The following FIG4 variants were observed in gnomAD, a reference collection of about 807,000 sequenced individuals.
FIG4 encodes polyphosphoinositide phosphatase.
Under a neutral mutation model 118.6 loss-of-function variants are expected in FIG4, and 112 were observed. The observed-to-expected ratio is 0.94, with a 90% CI of 0.81 to 1.11. FIG4 has a LOEUF of 1.11. Among genes scored for constraint, FIG4 ranks in the 50% least tolerant of loss-of-function variants. FIG4 has a pLI of 0.00. For synonymous variants in FIG4, 369 were observed against 381.2 expected, an observed-to-expected ratio of 0.97 and a Z score of 0.37; for missense variants, 969 against 1,111.7, an observed-to-expected ratio of 0.87 and a Z score of 1.83.
At chr6:109,784,935 T>G in intron 16 of FIG4, 35 bp from the exon 17 acceptor site, 1 of 1,165,924 alleles carries the variant, frequency 8.6e-7, no homozygotes, top group Non-Finnish European at 1.3e-6. Flanking sequence ...ACATTTACAT[T>G]TGGTTCATCT....
At chr6:109,785,655 T>G in intron 17 of FIG4, 1 of 470,786 alleles carries the variant, frequency 2.1e-6, no homozygotes, top group Non-Finnish European at 4.4e-6. Context: ...GCAAGCTCAT[T>G]TTCCATTTGG....
chr6:109,754,284 T>C (rs1776809494), intron 10 of FIG4, among the ~76,000 whole-genome samples: 2 of 152,218 alleles, frequency 1.3e-5, no homozygotes, highest in Admixed American at 6.5e-5. Context: ...ATCCCAGGGA[T>C]GAAGCCCACT....
chr6:109,737,474 A>C (rs1776191981), intron 6 of FIG4, among the ~76,000 whole-genome samples: 1 of 152,116 alleles, frequency 6.6e-6, no homozygotes, highest in Non-Finnish European at 1.5e-5. Flanking sequence ...CGTGTAATGC[A>C]TTGAAAGGGC....
At chr6:109,706,358 A>C (rs910157423) in intron 1 of FIG4, among the ~76,000 whole-genome samples, 1 of 152,194 alleles carries the variant, frequency 6.6e-6, no homozygotes. Context: ...AATCAGGACA[A>C]CACCAGCCTG....
chr6:109,810,263 A>G (rs1778684228), intron 22 of FIG4, among the ~76,000 whole-genome samples: 1 of 151,996 alleles, frequency 6.6e-6, no homozygotes, highest in Admixed American at 6.6e-5. Context: ...AATCCTTCGT[A>G]CTTTTCCAGT....
Position 109,789,601 on chromosome 6 carries a change from A to G in FIG4, c.2104A>G (p.Met702Val), listed in dbSNP as rs765611972. The change falls in exon 19 of 23, where the codon ATG (methionine) becomes GTG (valine). Residue 702 changes from methionine to valine, a missense_variant. This residue lies in a region of FIG4 where 330 missense variants were observed against 348.1 expected (regional missense o/e 0.95). Coordinates refer to ENST00000230124, the MANE Select transcript of FIG4 (RefSeq NM_014845.6). ...LAMTSSARDF[M>V]PKTVGIDPSP... ...GTTTTCACCTTTCTTTAGTGACTTT[A>G]TGCCTAAGACCGTTGGAATTGATCC... 1 of 1,612,834 alleles carries G rather than the reference A, an allele frequency of 6.2e-7. No individual in the cohort carries two copies. Among genetic ancestry groups the G allele is most frequent in the South Asian group, 1.1e-5 (1 of 91,054 alleles).
At chr6:109,738,242 T>C in intron 6 of FIG4, 83 bp from the exon 7 acceptor site, 2 of 1,191,274 alleles carry the variant, frequency 1.7e-6, no homozygotes, top group Middle Eastern at 2.2e-4. Flanking sequence ...CCAATTTCCA[T>C]ATCTTTCTGA....
At chr6:109,741,329 G>C in intron 7 of FIG4, 115 bp from the exon 8 acceptor site, 1 of 786,332 alleles carries the variant, frequency 1.3e-6, no homozygotes, top group South Asian at 1.3e-5. Flanking sequence ...TGGAGCTTTT[G>C]GTGTTCTTTA....
chr6:109,750,953 A>C (rs952355948), intron 10 of FIG4, among the ~76,000 whole-genome samples: 2 of 152,238 alleles, frequency 1.3e-5, no homozygotes, highest in African/African-American at 4.8e-5. Flanking sequence ...TAAATAAGCA[A>C]AATTTATTTT....
At chr6:109,734,855 T>C (rs901440699) in intron 5 of FIG4, among the ~76,000 whole-genome samples, 8 of 152,278 alleles carry the variant, frequency 5.3e-5, no homozygotes, top group Admixed American at 3.3e-4. Context: ...TCAACTTAGA[T>C]TGATTTCAGT....
At chr6:109,740,242 A>G (rs1776282731) in intron 7 of FIG4, among the ~76,000 whole-genome samples, 1 of 152,182 alleles carries the variant, frequency 6.6e-6, no homozygotes, top group Non-Finnish European at 1.5e-5. Flanking sequence ...GTCCTGGCAC[A>G]TATTAAACAT....
chr6:109,825,149 A>G lies in FIG4; in HGVS notation c.2608A>G (p.Arg870Gly). ...TGAAGTTCAGCCCCCAAGAGTAGAC[A>G]GAAAATCTACAGAGATCTTCCAAGC... The part of the protein sequence containing the change: ...IYEVQPPRVD[R>G]KSTEIFQAHI... The change falls in exon 23 of 23, where the codon AGA becomes GGA. Residue 870 changes from arginine (R) to glycine (G), a missense_variant. Physicochemically the swap from Arg to Gly is moderately radical, Grantham distance 125. Around this residue, in one of 3 missense-constraint regions of FIG4, gnomAD observed 330 missense variants for 348.1 expected, o/e 0.95. Coordinates refer to ENST00000230124, the MANE Select transcript of FIG4 (RefSeq NM_014845.6). The G allele has an allele frequency of 1.2e-6, 2 of 1,614,056 alleles. No homozygotes were observed. Among genetic ancestry groups the G allele is most frequent in the Non-Finnish European group, 1.7e-6 (2 of 1,179,894 alleles).
Position 109,765,307 on chromosome 6 carries a change from T to C in FIG4, c.1583+146T>C, listed in dbSNP as rs1777249998. 5 of 697,418 alleles carry C rather than the reference T, an allele frequency of 7.2e-6. No individual in the cohort carries two copies. The South Asian group carries it at 9.1e-5, about 13-fold the overall frequency. The allele number at this position is 697,418 out of a possible 1,614,324, so 43.2% of individuals were successfully genotyped here. A position where few individuals can be genotyped will look rare whatever the true frequency, so the allele number is the denominator to read the frequency against. ...AACATTATTCAAACTCGTTCTGTTT[T>C]TCTTATATTTTCTTCTAGTAGTTTT... On this transcript the variant is annotated intron_variant, in intron 14 of 22. Transcript: ENST00000230124.
At chr6:109,755,014 T>C (rs1036820040) in intron 10 of FIG4, among the ~76,000 whole-genome samples, 4 of 152,194 alleles carry the variant, frequency 2.6e-5, no homozygotes, top group African/African-American at 9.7e-5. Context: ...TTCTAGTTCT[T>C]TTAATTGTGA....
intron 21 of FIG4, 75 bp from the exon 22 acceptor site, chr6:109,796,690 C>T (rs1778296247): frequency 1.1e-6 from 1 of 872,800 alleles, no homozygotes; most frequent in Non-Finnish European, 2.0e-6. Flanking sequence ...AAAGCTTACA[C>T]CATTTTGTGT....
intron 3 of FIG4, among the ~76,000 whole-genome samples, chr6:109,719,437 TAC>T (rs937250134): frequency 3.9e-5 from 6 of 152,006 alleles, no homozygotes; most frequent in African/African-American, 1.2e-4. Context: ...TAGGCTGGAA[TAC>T]AGTGGCCAGT....
intron 1 of FIG4, among the ~76,000 whole-genome samples, chr6:109,696,281 T>C (rs1774715861): frequency 6.6e-6 from 1 of 152,216 alleles, no homozygotes; most frequent in South Asian, 2.1e-4. Flanking sequence ...TAGATCCTGT[T>C]CAGACATGTT....
Position 109,786,299 on chromosome 6 carries a change from T to A in FIG4, c.1949-3T>A. 1 of 1,610,752 alleles carries A rather than the reference T, an allele frequency of 6.2e-7. No individual in the cohort carries two copies. Among genetic ancestry groups the A allele is most frequent in the Non-Finnish European group, 8.5e-7 (1 of 1,177,258 alleles). Reference sequence around the variant, plus strand: ...TTAGAGTAACATGCAGTATCTCTCTTAGTTATCTGTGCTGTGAACTTAAAG... The same window carrying A: ...TTAGAGTAACATGCAGTATCTCTCTAAGTTATCTGTGCTGTGAACTTAAAG... On this transcript the variant is annotated splice_polypyrimidine_tract_variant and splice_region_variant and intron_variant, in intron 17 of 22. Transcript: ENST00000230124.
At chr6:109,695,177 A>ATT (rs1774672499) in intron 1 of FIG4, among the ~76,000 whole-genome samples, 1 of 152,256 alleles carries the variant, frequency 6.6e-6, no homozygotes, top group Non-Finnish European at 1.5e-5. Context: ...AGGTCAAGAC[A>ATT]TTTTTGTAAC....
Sources: gnomAD v4.1 joint callset for allele counts (sites outside exome capture counted in the v4.1 genomes callset) on GRCh38, gnomAD v4.1.1 for gene constraint, gnomAD v4.1.1 regional missense constraint, MANE v1.5 for transcripts, NCBI Gene and HGNC (gene_info 2026-07-23, HGNC 2026-07-21) for gene names.